The following NAA38 variants were observed in gnomAD, a reference collection of about 807,000 sequenced individuals.
NAA38 encodes the protein LSM domain containing 1.
NAA38 carries 15 observed loss-of-function variants against 12.6 expected under a neutral mutation model. That is an observed-to-expected ratio of 1.19 (90% CI 0.79 to 1.83). The LOEUF (loss-of-function observed/expected upper bound fraction) is 1.83. Among genes scored for constraint, NAA38 ranks in the 40% most tolerant of loss-of-function variants. The pLI, the probability that NAA38 is intolerant of heterozygous loss-of-function variation, is 0.00. For missense variants in NAA38, 183 were observed against 171.7 expected (o/e 1.07, Z -0.37); for synonymous variants, 88 against 69.9 (o/e 1.26, Z -1.29).
intron 2 of NAA38, among the ~76,000 whole-genome samples, chr17:7,872,619 G>T (rs188832141): frequency 3.9e-5 from 6 of 152,144 alleles, no homozygotes; most frequent in Admixed American, 2.6e-4. Context: ...CCTCGGCCTC[G>T]CAAAGTGCTG....
upstream of NAA38, chr17:7,858,861 G>C (rs769841962): frequency 2.0e-6 from 3 of 1,487,640 alleles, no homozygotes; most frequent in Admixed American, 4.7e-5. Flanking sequence ...TAGAAGGAAT[G>C]GGGAATCCCA....
upstream of NAA38, chr17:7,858,629 G>A (rs201396512): frequency 6.2e-7 from 1 of 1,605,016 alleles, no homozygotes; most frequent in Admixed American, 1.7e-5. Context: ...TAGATCCGCT[G>A]ACCGGCTGCC....
chr17:7,879,853 T>C (rs978981730), intron 2 of NAA38, among the ~76,000 whole-genome samples: 1 of 151,030 alleles, frequency 6.6e-6, no homozygotes, highest in African/African-American at 2.4e-5. Context: ...GCAAAAGAAA[T>C]ATAGAGAAAC....
chr17:7,884,496 T>A (rs1432059779), intron 1 of NAA38, among the ~76,000 whole-genome samples: 1 of 142,260 alleles, frequency 7.0e-6, no homozygotes, highest in Non-Finnish European at 1.5e-5. Context: ...ATATATATTT[T>A]AAATCCCCCT....
At chr17:7,885,060 C>G in intron 1 of NAA38, 1 of 965,900 alleles carries the variant, frequency 1.0e-6, no homozygotes, top group Non-Finnish European at 1.2e-6. Flanking sequence ...CCGCTGCCCC[C>G]GCCGCCGCCG....
At chr17:7,858,538 G>A (rs1447045484), upstream of NAA38, 32 of 1,613,688 alleles carry the variant, frequency 2.0e-5, no homozygotes, top group Non-Finnish European at 2.7e-5. Context: ...GGGATGGGAA[G>A]GAAAGGCGGA....
intron 2 of NAA38, among the ~76,000 whole-genome samples, chr17:7,868,421 T>C (rs1220620189): frequency 6.6e-6 from 1 of 152,192 alleles, no homozygotes; most frequent in Non-Finnish European, 1.5e-5. Context: ...GGGATATTCT[T>C]AGAAGAAATC....
chr17:7,857,025 G>C lies in NAA38; in HGVS notation c.255C>G (p.Leu85=). The C allele has an allele frequency of 2.5e-6, 4 of 1,606,008 alleles. No homozygotes were observed. The highest frequency in any genetic ancestry group is 3.4e-6 in the Non-Finnish European group (4 of 1,174,142). ...TCCCCGGGCACTGACCCGACGGCTT[G>C]AGGAACTCCTGCGCCGAGCCCAGGA... ...NVILGSAQEF[L]KPSDSFSAGE... The change falls in exon 2 of 3, where the codon CTC becomes CTG. Residue 85 remains leucine (L), a synonymous_variant. Transcript: ENST00000575771.
At chr17:7,858,106 G>A (rs779324431), upstream of NAA38, 22 of 1,611,928 alleles carry the variant, frequency 1.4e-5, no homozygotes, top group African/African-American at 2.1e-4. Context: ...GAGTAACCAA[G>A]AGATCCAGTG....
At chr17:7,867,381 C>G (rs1490440897) in intron 2 of NAA38, among the ~76,000 whole-genome samples, 1 of 151,972 alleles carries the variant, frequency 6.6e-6, no homozygotes, top group Non-Finnish European at 1.5e-5. Flanking sequence ...TCTTGTTGCC[C>G]AGGCTGGAGT....
At chr17:7,868,548 A>C (rs1032588018) in intron 2 of NAA38, among the ~76,000 whole-genome samples, 1 of 152,220 alleles carries the variant, frequency 6.6e-6, no homozygotes, top group African/African-American at 2.4e-5. Context: ...GTAAGATGAC[A>C]GTAGGGCAAC....
At chr17:7,875,678 A>C (rs1189598852) in intron 2 of NAA38, among the ~76,000 whole-genome samples, 2 of 152,122 alleles carry the variant, frequency 1.3e-5, no homozygotes, top group South Asian at 4.1e-4. Context: ...AATATACCTT[A>C]TTCACCATTT....
At chr17:7,884,888 G>C in intron 1 of NAA38, 1 of 1,373,236 alleles carries the variant, frequency 7.3e-7, no homozygotes, top group Non-Finnish European at 9.7e-7. Flanking sequence ...GGAAGAAGAG[G>C]GCGACGAGGA....
chr17:7,857,650 G>A (rs530945980), upstream of NAA38: 3 of 1,345,776 alleles, frequency 2.2e-6, no homozygotes, highest in African/African-American at 1.5e-5. Flanking sequence ...GTGGCTCACT[G>A]AAGCGTACTA....
intron 3 of NAA38, chr17:7,864,160 GGTTT>G (rs1966921643): frequency 6.6e-6 from 1 of 152,150 alleles, no homozygotes; most frequent in Non-Finnish European, 1.5e-5. Context: ...TAGAGTACAC[GGTTT>G]GGCTGTAAGA....
At chr17:7,861,613 AAC>A (rs1452352189), upstream of NAA38, 1 of 152,190 alleles carries the variant, frequency 6.6e-6, no homozygotes, top group Non-Finnish European at 1.5e-5. Context: ...TCTTGCTAGA[AAC>A]ACATCCCTTT....
intron 1 of NAA38, chr17:7,885,046 G>GCCACCA: frequency 9.5e-7 from 1 of 1,049,088 alleles, no homozygotes. Flanking sequence ...CGCCGCCGCC[G>GCCACCA]CCACCGCTGC....
At chr17:7,869,139 G>A (rs949113664) in intron 2 of NAA38, among the ~76,000 whole-genome samples, 28 of 152,136 alleles carry the variant, frequency 1.8e-4, no homozygotes, top group African/African-American at 6.3e-4. Context: ...ACCAATTATC[G>A]AGTACCTTAT....
At chr17:7,858,746 T>C (rs780116354), upstream of NAA38, 9 of 1,602,666 alleles carry the variant, frequency 5.6e-6, no homozygotes, top group Non-Finnish European at 7.7e-6. Flanking sequence ...GGTCGTATTA[T>C]GAGGTGGGGC....
Sources: allele counts gnomAD v4.1 joint callset (sites outside exome capture counted in the v4.1 genomes callset), GRCh38; gene constraint gnomAD v4.1.1; transcripts MANE v1.5; gene names NCBI Gene and HGNC (gene_info 2026-07-23, HGNC 2026-07-21).